The following DENND2C variants were observed in gnomAD, a reference collection of about 807,000 sequenced individuals.
The protein encoded by DENND2C is DENN domain-containing protein 2C.
DENND2C carries 72 observed loss-of-function variants against 112.4 expected under a neutral mutation model. The ratio of observed to expected loss-of-function variants is 0.64; its 90% confidence interval spans 0.53 to 0.78. The LOEUF (loss-of-function observed/expected upper bound fraction) is 0.78. Among genes scored for constraint, DENND2C ranks in the 30% least tolerant of loss-of-function variants. The pLI is 0.00. For missense variants in DENND2C, 992 were observed against 1,113.8 expected (o/e 0.89, Z 1.56); for synonymous variants, 329 against 381.6 (o/e 0.86, Z 1.61).
intron 3 of DENND2C, among the ~76,000 whole-genome samples, chr1:114,638,620 G>T (rs763290911): frequency 6.6e-6 from 1 of 151,528 alleles, no homozygotes; most frequent in Middle Eastern, 3.2e-3. Context: ...AAAATTAGGC[G>T]GGCATGGCGT....
chr1:114,651,330 T>C (rs1490338242), intron 2 of DENND2C, among the ~76,000 whole-genome samples: 1 of 149,504 alleles, frequency 6.7e-6, no homozygotes, highest in Non-Finnish European at 1.5e-5. Flanking sequence ...CATGTGCCTG[T>C]AGTCCCAGAT....
At chr1:114,594,228 G>A (rs988329191) in intron 18 of DENND2C, among the ~76,000 whole-genome samples, 1 of 152,172 alleles carries the variant, frequency 6.6e-6, no homozygotes, top group South Asian at 2.1e-4. Flanking sequence ...CAGGAAGAAA[G>A]GGCAGGAGTC....
chr1:114,643,302 G>A (rs10489524), intron 3 of DENND2C, among the ~76,000 whole-genome samples: 21,156 of 152,100 alleles, frequency 0.14, 1,600 homozygotes, highest in African/African-American at 0.19. Flanking sequence ...AACTTGCACT[G>A]TTCGCATTAT....
chr1:114,600,099 C>T, intron 15 of DENND2C, 105 bp downstream of exon 15: 1 of 1,314,614 alleles, frequency 7.6e-7, no homozygotes, highest in East Asian at 2.5e-5. Flanking sequence ...CACATGTACC[C>T]TAGAACTTAA....
chr1:114,646,370 C>T (rs1043369897), intron 2 of DENND2C, among the ~76,000 whole-genome samples: 2 of 152,202 alleles, frequency 1.3e-5, no homozygotes, highest in Admixed American at 1.3e-4. Flanking sequence ...AATGGTGTGA[C>T]ATTTTAAGTT....
At chr1:114,664,999 C>G (rs1268062607) in intron 1 of DENND2C, among the ~76,000 whole-genome samples, 1 of 151,862 alleles carries the variant, frequency 6.6e-6, no homozygotes, top group African/African-American at 2.4e-5. Context: ...GAGGCTGAGA[C>G]AGGAGAATCA....
rs878942290 is a variant in DENND2C at position 114,631,777 on chromosome 1, G to C, written c.-204-5589C>G. 2.0e-5 allele frequency among the ~76,000 whole-genome samples: 3 copies of C among 151,928 alleles called. No homozygotes were observed. The South Asian group carries it at 6.2e-4, about 32-fold the overall frequency. On this transcript the variant is annotated intron_variant, in intron 3 of 20. Transcript: ENST00000393274. ...AGCCTGGGCAACAGAGCGAGACTCT[G>C]TCTCAAAAAAGAGAAAAAAAAAGTA...
chr1:114,613,352 T>A (rs539435953), intron 8 of DENND2C, among the ~76,000 whole-genome samples: 1 of 152,272 alleles, frequency 6.6e-6, no homozygotes, highest in South Asian at 2.1e-4. Flanking sequence ...AGGAGGAGGT[T>A]TGGAAAACTC....
intron 3 of DENND2C, among the ~76,000 whole-genome samples, chr1:114,629,837 G>A (rs1046062860): frequency 1.3e-5 from 2 of 152,120 alleles, no homozygotes; most frequent in Admixed American, 6.5e-5. Flanking sequence ...GGATACTGAT[G>A]TTCTATTTTA....
At chr1:114,641,902 T>C (rs1274566056) in intron 3 of DENND2C, among the ~76,000 whole-genome samples, 2 of 152,166 alleles carry the variant, frequency 1.3e-5, no homozygotes, top group African/African-American at 2.4e-5. Flanking sequence ...ATCATAATTT[T>C]GCCACTAAAC....
Position 114,624,048 on chromosome 1 carries a change from CAGAA to C in DENND2C, c.807-409_807-406del, listed in dbSNP as rs570501876. On this transcript the variant is annotated intron_variant, in intron 4 of 20. Coordinates refer to ENST00000393274, the MANE Select transcript of DENND2C (RefSeq NM_001256404.2). The stretch of plus-strand genomic sequence containing the variant: ...ATCTTCTTTAAATTGGTATGGGAGA[CAGAA>C]ATAAATAAGTACAGAACTAGTGTGC... 8.3e-4 allele frequency among the ~76,000 whole-genome samples: 126 copies of C among 152,090 alleles called. 1 individual carries two copies. Among genetic ancestry groups the C allele is most frequent in the Non-Finnish European group, 1.6e-4 (11 of 67,996 alleles).
chr1:114,641,834 AT>A (rs763602469), intron 3 of DENND2C, among the ~76,000 whole-genome samples: 1 of 152,300 alleles, frequency 6.6e-6, no homozygotes, highest in Middle Eastern at 3.4e-3. Flanking sequence ...TTTTAAACCT[AT>A]TTTAAAATGT....
chr1:114,600,703 A>G (rs1245784900), intron 14 of DENND2C, 117 bp downstream of exon 14: 3 of 1,319,212 alleles, frequency 2.3e-6, no homozygotes, highest in Non-Finnish European at 3.1e-6. Flanking sequence ...GAAATAAAAC[A>G]TATTCTTTAC....
Position 114,599,311 on chromosome 1 carries a change from C to T in DENND2C, c.2246G>A (p.Cys749Tyr). The T allele has an allele frequency of 6.2e-7, 1 of 1,613,806 alleles. No homozygotes were observed. Among genetic ancestry groups the T allele is most frequent in the Non-Finnish European group, 8.5e-7 (1 of 1,179,840 alleles). Residue 749 changes from cysteine to tyrosine, a missense_variant, in exon 16 of 21, where the codon TGC becomes TAC. Cys to Tyr is a radical substitution (Grantham distance 194, BLOSUM62 -2). Around this residue, in one of 3 missense-constraint regions of DENND2C, gnomAD observed 516 missense variants for 623.6 expected, o/e 0.83. Transcript: ENST00000393274. ...TAGGTCCTGGAGCTGTGGTAAGGAG[C>T]AAGACAGGATTCCAATAAGGAATGG... ...PTPFLIGILS[C>Y]SLPQLQDLPI... is the part of the protein sequence containing the mutation.
At chr1:114,646,399 C>G (rs552677928) in intron 2 of DENND2C, among the ~76,000 whole-genome samples, 2 of 152,154 alleles carry the variant, frequency 1.3e-5, no homozygotes, top group African/African-American at 4.8e-5. Context: ...TTAAAAAATA[C>G]TTTTCCATAA....
chr1:114,592,527 G>C (rs1415579791), intron 18 of DENND2C, among the ~76,000 whole-genome samples: 1 of 151,952 alleles, frequency 6.6e-6, no homozygotes, highest in African/African-American at 2.4e-5. Context: ...AGATCAGCCT[G>C]GGCAACATCG....
At chr1:114,605,077 T>TG in intron 10 of DENND2C, 46 bp from the exon 11 acceptor site, 1 of 1,395,292 alleles carries the variant, frequency 7.2e-7, no homozygotes, top group Non-Finnish European at 9.9e-7. Flanking sequence ...ACTATGTAAG[T>TG]GGGGAATAGA....
chr1:114,614,266 T>C (rs77952403), intron 8 of DENND2C, among the ~76,000 whole-genome samples: 7,859 of 150,846 alleles, frequency 0.052, 231 homozygotes, highest in South Asian at 0.085. Flanking sequence ...AATATTTAGG[T>C]TGGAATATAT....
intron 3 of DENND2C, among the ~76,000 whole-genome samples, chr1:114,638,448 C>T (rs993378342): frequency 6.6e-6 from 1 of 152,098 alleles, no homozygotes; most frequent in African/African-American, 2.4e-5. Context: ...CTTCTGCTCA[C>T]TTAAGACATT....
Sources: gnomAD v4.1 joint callset for allele counts (sites outside exome capture counted in the v4.1 genomes callset) on GRCh38, gnomAD v4.1.1 for gene constraint, gnomAD v4.1.1 regional missense constraint, MANE v1.5 for transcripts, NCBI Gene and HGNC (gene_info 2026-07-23, HGNC 2026-07-21) for gene names.